Variants in PDZD2 observed in about 807,000 individuals in gnomAD.
PDZD2 encodes PDZ domain-containing protein 2.
In PDZD2, 90 loss-of-function variants were observed where a neutral mutation model predicts 220.7. The ratio of observed to expected loss-of-function variants is 0.41; its 90% CI spans 0.34 to 0.49. The LOEUF is 0.49. Among genes scored for constraint, PDZD2 ranks in the 20% least tolerant of loss-of-function variants. PDZD2 has a pLI of 0.28. For synonymous variants in PDZD2, 1,375 were observed against 1,450.5 expected (o/e 0.95, Z 1.18); for missense variants, 3,174 against 3,608.5 (o/e 0.88, Z 3.08).
intron 2 of PDZD2, among the ~76,000 whole-genome samples, chr5:31,958,277 G>A (rs967933988): frequency 2.0e-5 from 3 of 150,948 alleles, no homozygotes; most frequent in African/African-American, 7.3e-5. Context: ...TTTTTGAGAC[G>A]GAGTCTCACT....
intron 1 of PDZD2, among the ~76,000 whole-genome samples, chr5:31,685,894 G>T (rs1027205878): frequency 6.6e-6 from 1 of 151,790 alleles, no homozygotes; most frequent in Admixed American, 6.6e-5. Context: ...TATGAAAGAT[G>T]AAGACTTTTA....
At chr5:32,054,267 G>A (rs554854208) in intron 10 of PDZD2, among the ~76,000 whole-genome samples, 2 of 141,968 alleles carry the variant, frequency 1.4e-5, no homozygotes, top group East Asian at 4.3e-4. Context: ...TTAATATCTT[G>A]CTACAGAAAT....
At chr5:32,052,583 T>C in intron 8 of PDZD2, 28 bp from the exon 9 acceptor site, 2 of 1,610,862 alleles carry the variant, frequency 1.2e-6, no homozygotes, top group Non-Finnish European at 1.7e-6. Flanking sequence ...GAGAGTAATC[T>C]CTGACCTTGC....
intron 19 of PDZD2, among the ~76,000 whole-genome samples, chr5:32,082,258 G>A (rs1008455894): frequency 2.6e-5 from 4 of 151,942 alleles, no homozygotes; most frequent in African/African-American, 9.7e-5. Flanking sequence ...CTGACCTCAA[G>A]TGATCCACCC....
chr5:31,906,809 C>G (rs1742698375), intron 2 of PDZD2, among the ~76,000 whole-genome samples: 1 of 152,074 alleles, frequency 6.6e-6, no homozygotes, highest in Non-Finnish European at 1.5e-5. Context: ...TGCCACTGCA[C>G]TCCAGCCTGG....
chr5:32,072,052 G>A (rs1209697371), intron 16 of PDZD2, 109 bp from the exon 17 acceptor site: 3 of 751,242 alleles, frequency 4.0e-6, no homozygotes, highest in Non-Finnish European at 6.6e-6. Flanking sequence ...GCTATTTCAA[G>A]TGACCGTTGA....
At chr5:31,698,806 A>G (rs1747489091) in intron 1 of PDZD2, among the ~76,000 whole-genome samples, 1 of 152,186 alleles carries the variant, frequency 6.6e-6, no homozygotes, top group Admixed American at 6.5e-5. Context: ...GTACCTGCAC[A>G]AGGAAGTACC....
At chr5:31,641,360 G>A (rs1309341799) in intron 1 of PDZD2, among the ~76,000 whole-genome samples, 1 of 152,146 alleles carries the variant, frequency 6.6e-6, no homozygotes, top group African/African-American at 2.4e-5. Flanking sequence ...TTGGGAGTAT[G>A]GAGGAAAAAG....
intron 13 of PDZD2, 88 bp downstream of exon 13, chr5:32,059,444 T>A: frequency 3.3e-6 from 2 of 602,458 alleles, no homozygotes; most frequent in Non-Finnish European, 5.8e-6. Context: ...TACTTCCCTT[T>A]GAGGGATGTT....
At position 32,074,044 on chromosome 5, in the gene PDZD2, G is replaced by A. The variant is rs766752494; in HGVS notation, c.2938G>A (p.Gly980Arg). The change falls in exon 18 of 25, where the codon GGG (glycine) becomes AGG (arginine). Residue 980 changes from glycine (G) to arginine (R), a missense_variant. Coordinates refer to ENST00000438447, the MANE Select transcript of PDZD2 (RefSeq NM_178140.4). ...TGATGAGGAAGAGTTTGACAGAGAA[G>A]GGGACTGCATTTCACTCCCAGGGGC... is the stretch of plus-strand genomic sequence containing the variant. ...ASDEEEFDRE[G>R]DCISLPGALP... 2.5e-6 allele frequency: 4 copies of A among 1,613,772 alleles called. No homozygotes were observed. Among genetic ancestry groups the A allele is most frequent in the East Asian group, 4.5e-5 (2 of 44,884 alleles).
At chr5:32,047,375 T>C (rs10472199) in intron 7 of PDZD2, among the ~76,000 whole-genome samples, 3,291 of 152,316 alleles carry the variant, frequency 0.022, 119 homozygotes, top group African/African-American at 0.076. Flanking sequence ...GCTTGTAGTG[T>C]AGCCCAGAGA....
rs1412863412 is a variant in PDZD2, at chr5:32,089,721, A to T, written c.6273A>T (p.Lys2091Asn). 9 of 1,614,074 alleles carry T rather than the reference A, an allele frequency of 5.6e-6. No individual in the cohort carries two copies. The highest frequency in any genetic ancestry group is 7.6e-6 in the Non-Finnish European group (9 of 1,180,048). ...SDRLERTNQL[K>N]IVEISAEAVS... ...GCCTCGAAAGAACAAACCAGCTGAA[A>T]ATCGTGGAGATTTCTGCTGAAGCAG... The change falls in exon 20 of 25, where the codon AAA becomes AAT. Residue 2091 changes from lysine (K) to asparagine (N), a missense_variant. By Grantham distance (94) the Lys-to-Asn change is moderately conservative (BLOSUM62 0). Coordinates refer to ENST00000438447, the MANE Select transcript of PDZD2 (RefSeq NM_178140.4).
At chr5:31,766,636 C>T (rs563036013) in intron 1 of PDZD2, among the ~76,000 whole-genome samples, 1 of 152,288 alleles carries the variant, frequency 6.6e-6, no homozygotes, top group South Asian at 2.1e-4. Flanking sequence ...AAGACATCTG[C>T]CCGCCTCAGC....
At chr5:31,929,229 C>T (rs1479268554) in intron 2 of PDZD2, among the ~76,000 whole-genome samples, 2 of 152,184 alleles carry the variant, frequency 1.3e-5, no homozygotes, top group East Asian at 1.9e-4. Context: ...TTCTCTGATT[C>T]ATTTAATTTT....
At chr5:31,689,353 A>ATATATATATATATTT in intron 1 of PDZD2, among the ~76,000 whole-genome samples, 5 of 35,122 alleles carry the variant, frequency 1.4e-4, no homozygotes, top group African/African-American at 2.1e-4. Context: ...ATATATATAT[A>ATATATATATATATTT]TTTTTTTTTT....
chr5:32,089,044 A>G lies in PDZD2; in HGVS notation c.5596A>G (p.Lys1866Glu). The change falls in exon 20 of 25, where the codon AAG (lysine) becomes GAG (glutamate). Residue 1866 changes from lysine to glutamate, a missense_variant. Lys to Glu is a moderately conservative substitution (Grantham distance 56, BLOSUM62 1). Around this residue, in one of 4 missense-constraint regions of PDZD2, gnomAD observed 1,861 missense variants for 2,001.0 expected, o/e 0.93. Transcript: ENST00000438447. The part of the protein sequence containing the change: ...TNLENKDLSK[K>E]SPAEMLLTNG... ...CCTGGAAAATAAGGACCTGTCTAAG[A>G]AGAGTCCGGCAGAAATGCTTCTGAC... is the stretch of plus-strand genomic sequence containing the variant. 2 of 1,613,906 alleles carry G rather than the reference A, an allele frequency of 1.2e-6. No homozygotes were observed. Among genetic ancestry groups the G allele is most frequent in the Non-Finnish European group, 1.7e-6 (2 of 1,179,970 alleles).
intron 2 of PDZD2, among the ~76,000 whole-genome samples, chr5:31,801,805 T>C (rs1754407493): frequency 6.6e-6 from 1 of 152,216 alleles, no homozygotes. Flanking sequence ...AGTAGTAGTC[T>C]ATATGTATTA....
chr5:31,840,969 C>T, intron 2 of PDZD2: 4 of 442,796 alleles, frequency 9.0e-6, no homozygotes, highest in Non-Finnish European at 1.2e-5. Flanking sequence ...TTGTGTTTCT[C>T]ATTTTGGCGA....
intron 1 of PDZD2, among the ~76,000 whole-genome samples, chr5:31,717,137 A>G (rs1285293524): frequency 6.6e-6 from 1 of 152,172 alleles, no homozygotes; most frequent in East Asian, 1.9e-4. Flanking sequence ...GAGTCAATAG[A>G]TCATCCTTTA....
Sources: gnomAD v4.1 joint callset for allele counts (sites outside exome capture counted in the v4.1 genomes callset) on GRCh38, gnomAD v4.1.1 for gene constraint, gnomAD v4.1.1 regional missense constraint, MANE v1.5 for transcripts, NCBI Gene and HGNC (gene_info 2026-07-23, HGNC 2026-07-21) for gene names.